GSG1L: variants seen among roughly 807,000 people sequenced by gnomAD.
GSG1L encodes the protein germ cell-specific gene 1-like protein.
GSG1L carries 24 observed loss-of-function variants against 42.1 expected under a neutral mutation model. That is an observed-to-expected ratio of 0.57 (90% CI 0.41 to 0.80). The LOEUF (loss-of-function observed/expected upper bound fraction) is 0.80. GSG1L is among the 30% of genes least tolerant of loss of function. The pLI, the probability that GSG1L is intolerant of heterozygous loss-of-function variation, is 0.00. For synonymous variants in GSG1L, 215 were observed against 203.5 expected, an observed-to-expected ratio of 1.06 and a Z score of -0.48; for missense variants, 445 against 472.2, an observed-to-expected ratio of 0.94 and a Z score of 0.53.
intron 1 of GSG1L, among the ~76,000 whole-genome samples, chr16:28,011,646 A>C (rs1596699474): frequency 6.6e-6 from 1 of 152,138 alleles, no homozygotes; most frequent in African/African-American, 2.4e-5. Context: ...CTTTGGCCCC[A>C]ATGTCCATCT....
At chr16:27,940,208 T>C (rs925160326) in intron 2 of GSG1L, among the ~76,000 whole-genome samples, 5 of 152,046 alleles carry the variant, frequency 3.3e-5, no homozygotes, top group African/African-American at 1.2e-4. Flanking sequence ...AAACAACAGG[T>C]TCTGGAGAGG....
intron 4 of GSG1L, among the ~76,000 whole-genome samples, chr16:27,831,698 C>T (rs558794499): frequency 6.6e-6 from 1 of 152,342 alleles, no homozygotes; most frequent in South Asian, 2.1e-4. Context: ...CAGAGCCAGA[C>T]AGGCAATGGC....
intron 1 of GSG1L, among the ~76,000 whole-genome samples, chr16:28,026,203 G>A (rs1178052300): frequency 6.6e-6 from 1 of 152,150 alleles, no homozygotes; most frequent in East Asian, 1.9e-4. Context: ...GCAGGAGCTG[G>A]GTCTCGCAAG....
chr16:27,979,859 A>AGAAAGAAAGAAAG (rs370033654), intron 1 of GSG1L, among the ~76,000 whole-genome samples: 2 of 151,792 alleles, frequency 1.3e-5, no homozygotes, highest in South Asian at 2.1e-4. Context: ...GAAGGAAAAG[A>AGAAAGAAAGAAAG]GAAAGAAAGA....
intron 2 of GSG1L, among the ~76,000 whole-genome samples, chr16:27,896,256 T>C (rs2084190999): frequency 6.6e-6 from 1 of 152,170 alleles, no homozygotes; most frequent in African/African-American, 2.4e-5. Context: ...GAACCATGTG[T>C]CAAGGGCATT....
chr16:27,964,064 G>A (rs2034882587), intron 1 of GSG1L, among the ~76,000 whole-genome samples: 1 of 152,136 alleles, frequency 6.6e-6, no homozygotes, highest in Non-Finnish European at 1.5e-5. Context: ...TAGAGGGAGG[G>A]AAATTCAACA....
At chr16:27,958,025 AC>A (rs752842934) in intron 2 of GSG1L, among the ~76,000 whole-genome samples, 1 of 152,070 alleles carries the variant, frequency 6.6e-6, no homozygotes, top group Non-Finnish European at 1.5e-5. Flanking sequence ...CACCTCCATG[AC>A]TCAAACACTT....
intron 1 of GSG1L, among the ~76,000 whole-genome samples, chr16:28,008,743 T>C (rs1277090984): frequency 2.6e-5 from 4 of 152,184 alleles, no homozygotes; most frequent in Non-Finnish European, 5.9e-5. Context: ...CACTGCACAT[T>C]TGAGTTACCT....
intron 1 of GSG1L, among the ~76,000 whole-genome samples, chr16:27,991,782 T>C (rs569537357): frequency 6.6e-6 from 1 of 152,358 alleles, no homozygotes; most frequent in South Asian, 2.1e-4. Context: ...AAAATCGTGG[T>C]ATTCCAAAGA....
intron 3 of GSG1L, among the ~76,000 whole-genome samples, chr16:27,857,327 C>T (rs932204880): frequency 6.6e-6 from 1 of 151,014 alleles, no homozygotes; most frequent in African/African-American, 2.4e-5. Flanking sequence ...ACTTGGGAGG[C>T]TGAGGCAGGG....
At chr16:27,812,665 TGGTGCAGGGACCA>T (rs1006959618) in intron 5 of GSG1L, among the ~76,000 whole-genome samples, 2 of 152,118 alleles carry the variant, frequency 1.3e-5, no homozygotes, top group Non-Finnish European at 2.9e-5. Flanking sequence ...TGAAAACCAC[TGGTGCAGGGACCA>T]GCGGAGGCTT....
chr16:27,820,166 G>A (rs1195043900), intron 5 of GSG1L, among the ~76,000 whole-genome samples: 1 of 152,136 alleles, frequency 6.6e-6, no homozygotes, highest in Non-Finnish European at 1.5e-5. Flanking sequence ...GATCTGAGGT[G>A]CCTTTGAGAA....
intron 2 of GSG1L, among the ~76,000 whole-genome samples, chr16:27,940,980 T>G (rs1182107565): frequency 6.6e-6 from 1 of 152,118 alleles, no homozygotes; most frequent in Non-Finnish European, 1.5e-5. Flanking sequence ...GATATTTACC[T>G]TAAACCATCT....
At chr16:27,972,639 G>A (rs1330087158) in intron 1 of GSG1L, among the ~76,000 whole-genome samples, 1 of 152,190 alleles carries the variant, frequency 6.6e-6, no homozygotes, top group East Asian at 1.9e-4. Flanking sequence ...CCACCTGATG[G>A]CAGCATACCT....
chr16:27,806,411 T>C (rs1051887108), intron 6 of GSG1L, among the ~76,000 whole-genome samples: 7 of 152,212 alleles, frequency 4.6e-5, no homozygotes, highest in African/African-American at 1.7e-4. Context: ...CCTTCTTAGT[T>C]TGGATTCCCC....
At chr16:28,024,971 G>A (rs1366733308) in intron 1 of GSG1L, among the ~76,000 whole-genome samples, 1 of 152,208 alleles carries the variant, frequency 6.6e-6, no homozygotes, top group East Asian at 1.9e-4. Context: ...CTCAATAAAT[G>A]GGAGTGTTAC....
chr16:28,042,770 C>T (rs1367731276), intron 1 of GSG1L, among the ~76,000 whole-genome samples: 3 of 152,166 alleles, frequency 2.0e-5, no homozygotes, highest in Non-Finnish European at 4.4e-5. Context: ...AGGAAACACA[C>T]AATCATTCAC....
At chr16:27,840,414 T>C (rs143047980) in intron 4 of GSG1L, among the ~76,000 whole-genome samples, 12 of 152,120 alleles carry the variant, frequency 7.9e-5, no homozygotes, top group African/African-American at 2.7e-4. Flanking sequence ...TCTGATTCAC[T>C]TGGTCCCTGC....
intron 3 of GSG1L, among the ~76,000 whole-genome samples, chr16:27,877,093 G>T (rs573963141): frequency 2.6e-5 from 4 of 152,102 alleles, no homozygotes; most frequent in Non-Finnish European, 5.9e-5. Flanking sequence ...TGCCCAGCCC[G>T]CTCACAACCC....
Sources: allele counts gnomAD v4.1 joint callset (sites outside exome capture counted in the v4.1 genomes callset), GRCh38; gene constraint gnomAD v4.1.1; transcripts MANE v1.5; gene names NCBI Gene and HGNC (gene_info 2026-07-23, HGNC 2026-07-21).